Variants in ABCC6 observed in about 807,000 individuals in gnomAD.
ABCC6 encodes ATP-binding cassette sub-family C member 6.
A neutral mutation model predicts 169.5 loss-of-function variants in ABCC6; 126 were observed. The observed-to-expected ratio is 0.74, with a 90% CI of 0.64 to 0.86. The LOEUF is 0.86. ABCC6 is among the 40% of genes least tolerant of loss of function. The pLI, the probability that ABCC6 is intolerant of heterozygous loss-of-function variation, is 0.00. For synonymous variants in ABCC6, 752 were observed against 814.7 expected (o/e 0.92, Z 1.31); for missense variants, 1,733 against 1,927.2 (o/e 0.90, Z 1.89).
intron 9 of ABCC6, among the ~76,000 whole-genome samples, 166 bp from the exon 10 acceptor site, chr16:16,198,348 C>T (rs1186386109): frequency 6.6e-6 from 1 of 152,166 alleles, no homozygotes; most frequent in African/African-American, 2.4e-5. Flanking sequence ...ACAGAGATGA[C>T]AAAAATGAAA....
chr16:16,173,479 C>T (rs2047177231), intron 20 of ABCC6, 75 bp from the exon 21 acceptor site: 1 of 1,541,166 alleles, frequency 6.5e-7, no homozygotes. Context: ...ACCCTCAGGC[C>T]CACTGACAGC....
At chr16:16,153,701 C>T (rs2046454121) in intron 29 of ABCC6, among the ~76,000 whole-genome samples, 1 of 151,668 alleles carries the variant, frequency 6.6e-6, no homozygotes, top group African/African-American at 2.4e-5. Context: ...TACGCAAGTT[C>T]GACTGTAGCC....
At chr16:16,215,438 GGTGTGTGTGT>G (rs56229208) in intron 4 of ABCC6, among the ~76,000 whole-genome samples, 179 of 136,948 alleles carry the variant, frequency 1.3e-3, no homozygotes, top group East Asian at 4.2e-3. Flanking sequence ...TTTAATTTTA[GGTGTGTGTGT>G]GTGTGTGTGT....
intron 11 of ABCC6, among the ~76,000 whole-genome samples, chr16:16,191,857 G>A (rs991255888): frequency 2.6e-5 from 4 of 151,040 alleles, no homozygotes; most frequent in Non-Finnish European, 4.4e-5. Context: ...AACACTTACT[G>A]AGAACCTTCT....
intron 6 of ABCC6, among the ~76,000 whole-genome samples, chr16:16,209,140 G>A (rs568552141): frequency 6.6e-6 from 1 of 152,106 alleles, no homozygotes; most frequent in Non-Finnish European, 1.5e-5. Context: ...CTGGAGTGCA[G>A]TGGTGCAATC....
Position 16,184,808 on chromosome 16 carries a change from G to C in ABCC6, c.1943+151C>G, listed in dbSNP as rs550392916. 8 of 805,196 alleles carry C rather than the reference G, an allele frequency of 9.9e-6. No homozygotes were observed. The African/African-American group carries it at 1.3e-4, about 14-fold the overall frequency. The allele number at this position is 805,196 out of a possible 1,614,324, so 49.9% of individuals were successfully genotyped here. A position where few individuals can be genotyped will look rare whatever the true frequency, so the allele number is the denominator to read the frequency against. On this transcript the variant is annotated intron_variant, in intron 15 of 30. Transcript: ENST00000205557. ...TTCAGGAGGTAGAGATGTATCCTGAGAACCTCCCCGGCAGAGCCCCAGCCC... is the reference window on the plus strand; with the variant it reads ...TTCAGGAGGTAGAGATGTATCCTGACAACCTCCCCGGCAGAGCCCCAGCCC...
chr16:16,217,410 G>A (rs2048916165), intron 4 of ABCC6, among the ~76,000 whole-genome samples: 1 of 152,244 alleles, frequency 6.6e-6, no homozygotes, highest in Non-Finnish European at 1.5e-5. Flanking sequence ...AAAATGGGAC[G>A]GCTAGAATTC....
intron 25 of ABCC6, 65 bp downstream of exon 25, chr16:16,161,373 G>A (rs2152221714): frequency 1.9e-6 from 3 of 1,610,502 alleles, no homozygotes; most frequent in East Asian, 2.2e-5. Flanking sequence ...GGTCCCACTA[G>A]CAGGGGTCCG....
Position 16,214,443 on chromosome 16 carries a change from G to A in ABCC6, c.481C>T (p.Gln161Ter). 1 of 1,551,714 alleles carries A rather than the reference G, an allele frequency of 6.4e-7. No homozygotes were observed. The highest frequency in any genetic ancestry group is 8.7e-7 in the Non-Finnish European group (1 of 1,146,972). Residue 161 changes from glutamine to a stop codon, truncating the protein, a stop_gained, in exon 5 of 31, where the codon CAG becomes TAG. Transcript: ENST00000205557. LOFTEE classifies it high-confidence loss of function. ...AAQQASGAGF[Q>*]SDPVRHLSTY... ...GACAGGTGGCGGACAGGGTCGCTCT[G>A]GAAGCCCTGTGGGAGGGAAAGCAGA... is the stretch of plus-strand genomic sequence containing the variant.
chr16:16,199,387 C>T (rs2048162241), intron 9 of ABCC6, among the ~76,000 whole-genome samples: 1 of 133,700 alleles, frequency 7.5e-6, no homozygotes. Context: ...CCCAAAGTCA[C>T]AGGCCTTGTA....
intron 24 of ABCC6, 100 bp from the exon 25 acceptor site, chr16:16,161,664 C>T (rs1435330509): frequency 6.6e-7 from 1 of 1,523,918 alleles, no homozygotes; most frequent in Non-Finnish European, 9.0e-7. Context: ...TTTGTACACA[C>T]AGGGGTCCCA....
intron 29 of ABCC6, among the ~76,000 whole-genome samples, chr16:16,151,551 G>A (rs78326423): frequency 0.032 from 4,898 of 152,208 alleles, 196 homozygotes; most frequent in African/African-American, 0.091. Context: ...CTGGTGTCAC[G>A]TGGGCCTTAA....
chr16:16,155,329 A>G (rs928502879), intron 27 of ABCC6: 4 of 501,990 alleles, frequency 8.0e-6, no homozygotes, highest in African/African-American at 8.0e-5. Flanking sequence ...CCTCTCCATC[A>G]TCTCTCATCC....
intron 10 of ABCC6, among the ~76,000 whole-genome samples, chr16:16,196,209 CA>C (rs35287964): frequency 0.022 from 2,948 of 131,586 alleles, 110 homozygotes; most frequent in African/African-American, 0.08. Context: ...GACTCTGTCT[CA>C]AAAAAAAAAA....
Position 16,188,985 on chromosome 16 carries a change from G to A in ABCC6, c.1636-11C>T. 1 of 1,613,608 alleles carries A rather than the reference G, an allele frequency of 6.2e-7. No homozygotes were observed. The highest frequency in any genetic ancestry group is 1.1e-5 in the South Asian group (1 of 91,086). ...CACCACCAGTGCGACCTGGGGGGTG[G>A]GGGGGACACGTGGGGCAACAGTGAG... On this transcript the variant is annotated splice_polypyrimidine_tract_variant and intron_variant, in intron 12 of 30. Transcript: ENST00000205557.
intron 21 of ABCC6, among the ~76,000 whole-genome samples, chr16:16,172,501 G>A (rs1313199874): frequency 1.3e-5 from 2 of 149,924 alleles, no homozygotes; most frequent in African/African-American, 4.9e-5. Context: ...ATGGGTGGGT[G>A]GGATGGATAA....
chr16:16,210,991 A>G (rs1208727932), intron 6 of ABCC6, among the ~76,000 whole-genome samples: 2 of 152,110 alleles, frequency 1.3e-5, no homozygotes, highest in Non-Finnish European at 2.9e-5. Context: ...GCTGCTCGGG[A>G]GGCTGAGGCA....
chr16:16,181,212 G>T (rs2047457662), intron 17 of ABCC6, among the ~76,000 whole-genome samples: 2 of 152,044 alleles, frequency 1.3e-5, no homozygotes, highest in Admixed American at 6.6e-5. Context: ...TGAGGCTGAG[G>T]TGGGAGGATT....
chr16:16,201,207 T>A (rs560257586), intron 9 of ABCC6, among the ~76,000 whole-genome samples: 1 of 152,266 alleles, frequency 6.6e-6, no homozygotes, highest in Non-Finnish European at 1.5e-5. Flanking sequence ...CCTCAAGTGA[T>A]CCGCCTGTCT....
Sources: allele counts gnomAD v4.1 joint callset (sites outside exome capture counted in the v4.1 genomes callset), GRCh38; gene constraint gnomAD v4.1.1; transcripts MANE v1.5; gene names NCBI Gene and HGNC (gene_info 2026-07-23, HGNC 2026-07-21).